LEPR: variants seen among roughly 807,000 people sequenced by gnomAD.
LEPR encodes leptin receptor.
Under a neutral mutation model 114.7 loss-of-function variants are expected in LEPR, and 56 were observed. The ratio of observed to expected loss-of-function variants is 0.49; its 90% CI spans 0.39 to 0.61. The LOEUF (loss-of-function observed/expected upper bound fraction) is 0.61, where lower values mean the gene tolerates loss of function less well. LEPR is among the 20% of genes least tolerant of loss of function. The pLI is 0.00. For synonymous variants in LEPR, 443 were observed against 461.4 expected, an observed-to-expected ratio of 0.96 and a Z score of 0.51; for missense variants, 1,202 against 1,352.9, an observed-to-expected ratio of 0.89 and a Z score of 1.75.
At chr1:65,628,127 T>C (rs1174887462) in intron 19 of LEPR, among the ~76,000 whole-genome samples, 1 of 152,172 alleles carries the variant, frequency 6.6e-6, no homozygotes, top group East Asian at 1.9e-4. Flanking sequence ...TTAAAACCAC[T>C]ATATGCCAGA....
intron 2 of LEPR, among the ~76,000 whole-genome samples, chr1:65,524,732 C>T (rs1290605330): frequency 2.0e-5 from 3 of 152,170 alleles, no homozygotes; most frequent in Non-Finnish European, 4.4e-5. Flanking sequence ...ATTCTTTCTC[C>T]CTTACCCTGT....
At chr1:65,421,827 C>T (rs1189179519) in intron 1 of LEPR, among the ~76,000 whole-genome samples, 1 of 151,728 alleles carries the variant, frequency 6.6e-6, no homozygotes, top group African/African-American at 2.4e-5. Flanking sequence ...ATCATGATCA[C>T]GTTTATGTGT....
At chr1:65,621,214 TC>T in intron 17 of LEPR, 138 bp from the exon 18 acceptor site, 1 of 718,396 alleles carries the variant, frequency 1.4e-6, no homozygotes, top group Non-Finnish European at 2.3e-6. Context: ...ATTTTTATCT[TC>T]ATTTTTTATT....
At chr1:65,493,211 T>G (rs1404045453) in intron 2 of LEPR, among the ~76,000 whole-genome samples, 1 of 152,062 alleles carries the variant, frequency 6.6e-6, no homozygotes, top group Non-Finnish European at 1.5e-5. Context: ...AGGTACTTTT[T>G]TGTATTTTGT....
chr1:65,494,510 C>T (rs1236137763), intron 2 of LEPR, among the ~76,000 whole-genome samples: 1 of 152,092 alleles, frequency 6.6e-6, no homozygotes, highest in East Asian at 1.9e-4. Flanking sequence ...GCATGTACCC[C>T]AAAGCATCAA....
At chr1:65,443,227 A>G (rs1219630086) in intron 2 of LEPR, among the ~76,000 whole-genome samples, 2 of 152,134 alleles carry the variant, frequency 1.3e-5, no homozygotes, top group Admixed American at 6.6e-5. Context: ...GTATCAAAAA[A>G]ATCAATTGCT....
rs75795230 is a variant in LEPR at position 65,479,786 on chromosome 1, A to C, written c.-21+54408A>C. Reference sequence around the variant, plus strand: ...ACAACTGGGCAGAAAGTAGAAGACAATCAGCAGCATTCACTGCTTTCTAAG... The same window carrying C: ...ACAACTGGGCAGAAAGTAGAAGACACTCAGCAGCATTCACTGCTTTCTAAG... On this transcript the variant is annotated intron_variant, in intron 2 of 19. Coordinates refer to ENST00000349533, the MANE Select transcript of LEPR (RefSeq NM_002303.6). Among the ~76,000 whole-genome samples, 927 of 152,328 alleles carry C rather than the reference A, an allele frequency of 6.1e-3. 8 individuals carry two copies. The highest frequency in any genetic ancestry group is 0.021 in the African/African-American group (886 of 41,556).
intron 2 of LEPR, among the ~76,000 whole-genome samples, chr1:65,481,002 AT>A (rs1313678885): frequency 6.6e-6 from 1 of 152,158 alleles, no homozygotes; most frequent in Non-Finnish European, 1.5e-5. Flanking sequence ...ACAGAAATGC[AT>A]TTTCTCACAG....
At chr1:65,634,834 A>G in intron 19 of LEPR, 5 of 898,280 alleles carry the variant, frequency 5.6e-6, no homozygotes, top group Non-Finnish European at 6.7e-6. Flanking sequence ...GAAAATGAGC[A>G]AGCAAATATT....
At chr1:65,629,570 C>T (rs1406945069) in intron 19 of LEPR, among the ~76,000 whole-genome samples, 1 of 151,886 alleles carries the variant, frequency 6.6e-6, no homozygotes, top group Non-Finnish European at 1.5e-5. Context: ...TTTTAGTTAG[C>T]TTCATTTTTA....
Position 65,608,800 on chromosome 1 carries a change from A to C in LEPR, c.1651A>C (p.Ile551Leu), listed in dbSNP as rs754017622. The stretch of plus-strand genomic sequence containing the variant: ...TGTGAAAGCAGAAATTACTATAAAC[A>C]TTGGATTATTGAAAATATCTTGGGA... Reference protein sequence around the residue: ...SSVKAEITINIGLLKISWEKP... With the variant: ...SSVKAEITINLGLLKISWEKP... Residue 551 changes from isoleucine (I) to leucine (L), a missense_variant, in exon 12 of 20, where the codon ATT (isoleucine) becomes CTT (leucine). Physicochemically the swap from Ile to Leu is conservative, Grantham distance 5. Coordinates refer to ENST00000349533, the MANE Select transcript of LEPR (RefSeq NM_002303.6). 9.3e-6 allele frequency: 15 copies of C among 1,613,776 alleles called. No individual in the cohort carries two copies. The highest frequency in any genetic ancestry group is 1.3e-5 in the Non-Finnish European group (15 of 1,179,850).
intron 5 of LEPR, among the ~76,000 whole-genome samples, chr1:65,577,960 G>A (rs754064536): frequency 6.6e-6 from 1 of 150,808 alleles, no homozygotes; most frequent in African/African-American, 2.5e-5. Context: ...CCCTCCTCTA[G>A]CCTCCCACCC....
At chr1:65,559,884 G>T (rs1453810014) in intron 2 of LEPR, among the ~76,000 whole-genome samples, 2 of 136,098 alleles carry the variant, frequency 1.5e-5, no homozygotes, top group African/African-American at 5.5e-5. Context: ...TATTTCTGAG[G>T]GCTCTGTTCT....
At chr1:65,425,799 A>G (rs1000836931) in intron 2 of LEPR, among the ~76,000 whole-genome samples, 1 of 152,184 alleles carries the variant, frequency 6.6e-6, no homozygotes, top group African/African-American at 2.4e-5. Flanking sequence ...TGCATGGCAG[A>G]GGTTGTATCT....
At chr1:65,557,245 A>G (rs1652875787) in intron 2 of LEPR, among the ~76,000 whole-genome samples, 1 of 152,200 alleles carries the variant, frequency 6.6e-6, no homozygotes, top group Non-Finnish European at 1.5e-5. Flanking sequence ...TTAACTACTC[A>G]GAATTTATAA....
intron 2 of LEPR, chr1:65,526,529 C>A: frequency 1.7e-6 from 1 of 600,488 alleles, no homozygotes; most frequent in Non-Finnish European, 2.1e-6. Flanking sequence ...CTCTTGTCAG[C>A]CTAATGGAGT....
At chr1:65,525,091 C>T (rs1282508905) in intron 2 of LEPR, among the ~76,000 whole-genome samples, 3 of 152,196 alleles carry the variant, frequency 2.0e-5, no homozygotes, top group Non-Finnish European at 4.4e-5. Context: ...TGCGCGAATG[C>T]CCTCTTCAGC....
At position 65,446,101 on chromosome 1, in the gene LEPR, CT is replaced by C. The variant is rs1212231074; in HGVS notation, c.-21+20727del. Among the ~76,000 whole-genome samples, 3 of 152,260 alleles carry C rather than the reference CT, an allele frequency of 2.0e-5. No individual in the cohort carries two copies. The East Asian group carries it at 5.8e-4, about 29-fold the overall frequency. On this transcript the variant is annotated intron_variant, in intron 2 of 19. Coordinates refer to ENST00000349533, the MANE Select transcript of LEPR (RefSeq NM_002303.6). Reference sequence around the variant, plus strand: ...ATTTTTATCTGATATACCAATGAGTCTTTTCACTTGGGTAAATATGTAGGAG... The same window carrying C: ...ATTTTTATCTGATATACCAATGAGTCTTTCACTTGGGTAAATATGTAGGAG...
intron 2 of LEPR, among the ~76,000 whole-genome samples, chr1:65,536,510 G>GA (rs1650789017): frequency 6.6e-6 from 1 of 151,986 alleles, no homozygotes. Context: ...TCAGTAAAAA[G>GA]AAAAAGCTCT....
Sources: allele counts gnomAD v4.1 joint callset (sites outside exome capture counted in the v4.1 genomes callset), GRCh38; gene constraint gnomAD v4.1.1; transcripts MANE v1.5; gene names NCBI Gene and HGNC (gene_info 2026-07-23, HGNC 2026-07-21).